Variants in HTR7 observed in about 807,000 individuals in gnomAD.
HTR7 encodes the protein 5-hydroxytryptamine receptor 7.
HTR7 carries 16 observed loss-of-function variants against 34.0 expected under a neutral mutation model. That is an observed-to-expected ratio of 0.47 (90% CI 0.32 to 0.71). HTR7 has a LOEUF of 0.71. HTR7 is among the 30% of genes least tolerant of loss of function. HTR7 has a pLI of 0.04. For missense variants in HTR7, 504 were observed against 625.5 expected, an observed-to-expected ratio of 0.81 and a Z score of 2.07; for synonymous variants, 265 against 260.2, an observed-to-expected ratio of 1.02 and a Z score of -0.18.
At chr10:90,773,477 A>C (rs1472474854) in intron 1 of HTR7, among the ~76,000 whole-genome samples, 1 of 152,150 alleles carries the variant, frequency 6.6e-6, no homozygotes, top group East Asian at 1.9e-4. Flanking sequence ...ATCTACTGAT[A>C]CTTTTTAAGT....
chr10:90,838,271 T>C (rs1056455999), intron 1 of HTR7, among the ~76,000 whole-genome samples: 2 of 152,190 alleles, frequency 1.3e-5, no homozygotes, highest in African/African-American at 4.8e-5. Context: ...ATCTACTGAA[T>C]TGCTTGAGCC....
intron 1 of HTR7, among the ~76,000 whole-genome samples, chr10:90,808,290 C>G (rs900966557): frequency 6.6e-6 from 1 of 151,688 alleles, no homozygotes; most frequent in African/African-American, 2.4e-5. Flanking sequence ...TTCTCCTTCA[C>G]TCTTAGCAGC....
chr10:90,752,115 AG>A (rs1844748411), intron 1 of HTR7, among the ~76,000 whole-genome samples: 1 of 152,180 alleles, frequency 6.6e-6, no homozygotes, highest in South Asian at 2.1e-4. Context: ...TCCTACAATA[AG>A]GTAGTTATAT....
At chr10:90,821,789 T>C (rs1845985667) in intron 1 of HTR7, among the ~76,000 whole-genome samples, 1 of 152,198 alleles carries the variant, frequency 6.6e-6, no homozygotes, top group South Asian at 2.1e-4. Context: ...TCCCCGTTGC[T>C]ATTCTTGTGG....
intron 1 of HTR7, among the ~76,000 whole-genome samples, chr10:90,790,070 G>T (rs1023487536): frequency 1.3e-5 from 2 of 152,144 alleles, no homozygotes; most frequent in Non-Finnish European, 2.9e-5. Flanking sequence ...CTAGAAAAAT[G>T]AAAGAGTTAG....
chr10:90,773,203 C>T (rs1037372628), intron 1 of HTR7, among the ~76,000 whole-genome samples: 7 of 152,150 alleles, frequency 4.6e-5, no homozygotes, highest in Admixed American at 6.5e-5. Context: ...ACAGAGAAGT[C>T]GCAGCTGCTT....
intron 1 of HTR7, among the ~76,000 whole-genome samples, chr10:90,831,534 A>T (rs1461902040): frequency 6.6e-6 from 1 of 152,206 alleles, no homozygotes; most frequent in African/African-American, 2.4e-5. Flanking sequence ...TGCAAAAAGC[A>T]AAACACATTG....
chr10:90,818,660 C>T lies in HTR7; in HGVS notation c.539+38473G>A, dbSNP rs186420999. Among the ~76,000 whole-genome samples the T allele has an allele frequency of 3.9e-5, 6 of 152,232 alleles. No individual in the cohort carries two copies. In the East Asian group the frequency reaches 1.2e-3, roughly 29 times the overall value. ...GCCATGGAATGATTCAGCACAAAGG[C>T]CCCCACTAGATGCTGGCACCATGTT... On this transcript the variant is annotated intron_variant, in intron 1 of 3. Coordinates refer to ENST00000336152, the MANE Select transcript of HTR7 (RefSeq NM_019859.4).
chr10:90,780,460 C>T (rs1384748054), intron 1 of HTR7, among the ~76,000 whole-genome samples: 2 of 151,014 alleles, frequency 1.3e-5, no homozygotes, highest in African/African-American at 4.9e-5. Context: ...TTGCTTGAAC[C>T]CAGGAGACGG....
chr10:90,768,858 G>T (rs1381830831), intron 1 of HTR7, among the ~76,000 whole-genome samples: 1 of 152,140 alleles, frequency 6.6e-6, no homozygotes, highest in African/African-American at 2.4e-5. Context: ...CTTCTTCCTC[G>T]GTAATGTGAA....
intron 3 of HTR7, among the ~76,000 whole-genome samples, chr10:90,742,792 T>C (rs1304695868): frequency 6.6e-6 from 1 of 152,160 alleles, no homozygotes; most frequent in East Asian, 1.9e-4. Context: ...ACCTTTTTAA[T>C]ACAGCTATAG....
At chr10:90,796,374 T>C (rs111257395) in intron 1 of HTR7, among the ~76,000 whole-genome samples, 1,641 of 152,338 alleles carry the variant, frequency 0.011, 32 homozygotes, top group African/African-American at 0.037. Flanking sequence ...CCTATGGATG[T>C]TTAAATAACA....
intron 1 of HTR7, among the ~76,000 whole-genome samples, chr10:90,849,890 G>A (rs1433063914): frequency 6.6e-6 from 1 of 152,180 alleles, no homozygotes; most frequent in Non-Finnish European, 1.5e-5. Context: ...AGACAACCAG[G>A]ACTTCAGGGA....
intron 1 of HTR7, among the ~76,000 whole-genome samples, chr10:90,808,848 T>C (rs1845749566): frequency 6.6e-6 from 1 of 152,196 alleles, no homozygotes. Context: ...TCAACAGTGG[T>C]ACCAAATAGC....
At chr10:90,841,277 C>T (rs1421925265) in intron 1 of HTR7, among the ~76,000 whole-genome samples, 2 of 152,238 alleles carry the variant, frequency 1.3e-5, no homozygotes, top group African/African-American at 4.8e-5. Flanking sequence ...GCCTGAAAAG[C>T]TCTGAAATCA....
intron 1 of HTR7, among the ~76,000 whole-genome samples, chr10:90,836,932 C>T (rs989493389): frequency 7.9e-5 from 12 of 152,162 alleles, no homozygotes; most frequent in African/African-American, 2.7e-4. Context: ...GAGTCAGAGA[C>T]AAATTCAGAA....
At chr10:90,848,069 C>CTTTT (rs61675028) in intron 1 of HTR7, among the ~76,000 whole-genome samples, 6 of 112,092 alleles carry the variant, frequency 5.4e-5, no homozygotes, top group African/African-American at 7.6e-5. Flanking sequence ...TCTCTTTGTT[C>CTTTT]TTTTTTTTTT....
intron 1 of HTR7, among the ~76,000 whole-genome samples, chr10:90,774,688 T>G (rs577706643): frequency 6.6e-6 from 1 of 152,346 alleles, no homozygotes; most frequent in African/African-American, 2.4e-5. Context: ...TCCATCTTTT[T>G]ACTCTGCCAT....
intron 1 of HTR7, among the ~76,000 whole-genome samples, chr10:90,769,867 GA>G (rs1845079434): frequency 6.6e-6 from 1 of 152,196 alleles, no homozygotes; most frequent in African/African-American, 2.4e-5. Context: ...AAATAAAACT[GA>G]AAATCCCTTT....
Sources: gnomAD v4.1 joint callset for allele counts (sites outside exome capture counted in the v4.1 genomes callset) on GRCh38, gnomAD v4.1.1 for gene constraint, MANE v1.5 for transcripts, NCBI Gene and HGNC (gene_info 2026-07-23, HGNC 2026-07-21) for gene names.